Variants in XRCC4 observed in about 807,000 individuals in gnomAD.
The protein encoded by XRCC4 is DNA repair protein XRCC4.
In XRCC4, 28 loss-of-function variants were observed where a neutral mutation model predicts 39.1. That is an observed-to-expected ratio of 0.72 (90% CI 0.53 to 0.98). XRCC4 has a LOEUF of 0.98. Among genes scored for constraint, XRCC4 ranks in the 50% least tolerant of loss-of-function variants. XRCC4 has a pLI of 0.00. For missense variants in XRCC4, 350 were observed against 376.4 expected, an observed-to-expected ratio of 0.93 and a Z score of 0.58; for synonymous variants, 123 against 126.4, an observed-to-expected ratio of 0.97 and a Z score of 0.18.
At chr5:83,143,103 G>T (rs556186010) in intron 3 of XRCC4, among the ~76,000 whole-genome samples, 2 of 152,126 alleles carry the variant, frequency 1.3e-5, no homozygotes, top group East Asian at 1.9e-4. Flanking sequence ...CTATTTTACA[G>T]GTGCCTCATA....
intron 7 of XRCC4, among the ~76,000 whole-genome samples, chr5:83,334,992 A>G (rs1008490553): frequency 1.3e-5 from 2 of 151,842 alleles, no homozygotes; most frequent in Non-Finnish European, 2.9e-5. Flanking sequence ...TTCAACACTC[A>G]AAATAAATTA....
intron 3 of XRCC4, among the ~76,000 whole-genome samples, chr5:83,155,787 A>T (rs1477769964): frequency 6.6e-6 from 1 of 152,150 alleles, no homozygotes; most frequent in Non-Finnish European, 1.5e-5. Context: ...AAACCTAAAA[A>T]AACTGTATTT....
intron 3 of XRCC4, among the ~76,000 whole-genome samples, chr5:83,164,032 A>G (rs1351211028): frequency 6.6e-6 from 1 of 152,224 alleles, no homozygotes; most frequent in African/African-American, 2.4e-5. Context: ...GAACTGCTAT[A>G]GTAGAGGGCA....
At chr5:83,153,903 A>C (rs1048359750) in intron 3 of XRCC4, among the ~76,000 whole-genome samples, 2 of 152,188 alleles carry the variant, frequency 1.3e-5, no homozygotes, top group African/African-American at 2.4e-5. Flanking sequence ...CTTTTTATTC[A>C]CATAATTGTG....
chr5:83,090,019 A>T (rs1052596162), intron 1 of XRCC4, among the ~76,000 whole-genome samples: 1 of 152,150 alleles, frequency 6.6e-6, no homozygotes, highest in Non-Finnish European at 1.5e-5. Context: ...TGATGTGTTC[A>T]CCAAGCAGGA....
At chr5:83,114,306 A>G (rs527408736) in intron 3 of XRCC4, among the ~76,000 whole-genome samples, 1 of 152,180 alleles carries the variant, frequency 6.6e-6, no homozygotes, top group South Asian at 2.1e-4. Flanking sequence ...TTTATGCAGC[A>G]GGCTTGAATT....
chr5:83,294,051 T>TC (rs1755014429), intron 7 of XRCC4, among the ~76,000 whole-genome samples: 2 of 151,924 alleles, frequency 1.3e-5, no homozygotes, highest in African/African-American at 2.4e-5. Context: ...TGTTTTTTTT[T>TC]CTCTCTCTTT....
At chr5:83,229,885 T>C (rs1313660624) in intron 6 of XRCC4, among the ~76,000 whole-genome samples, 1 of 151,922 alleles carries the variant, frequency 6.6e-6, no homozygotes, top group South Asian at 2.1e-4. Context: ...CATGAGATTA[T>C]TGAAAATTAA....
At chr5:83,160,270 AAG>A (rs1749143501) in intron 3 of XRCC4, among the ~76,000 whole-genome samples, 1 of 152,216 alleles carries the variant, frequency 6.6e-6, no homozygotes, top group Non-Finnish European at 1.5e-5. Context: ...TGAGGGAATA[AAG>A]AGGAAAAAAC....
chr5:83,095,102 A>G (rs1745616677), intron 1 of XRCC4, among the ~76,000 whole-genome samples: 1 of 152,108 alleles, frequency 6.6e-6, no homozygotes, highest in Non-Finnish European at 1.5e-5. Context: ...ATTCTAGCCT[A>G]TACTTCTGGA....
rs770332576 is a variant in XRCC4 at position 83,258,656 on chromosome 5, A to G, written c.872A>G (p.Asn291Ser). The G allele has an allele frequency of 5.0e-6, 8 of 1,610,566 alleles. No individual in the cohort carries two copies. The East Asian group carries it at 1.6e-4, about 32-fold the overall frequency. The change falls in exon 7 of 8, where the codon AAT (asparagine) becomes AGT (serine). Residue 291 changes from asparagine (N) to serine (S), a missense_variant. Physicochemically the swap from Asn to Ser is conservative, Grantham distance 46. Transcript: ENST00000396027. ...GTEPKMAPQE[N>S]QLQEKEKPDS... ...GAACCTAAAATGGCTCCTCAGGAGA[A>G]TCAGCTTCAAGAAAAGGAAAAGTAA...
intron 4 of XRCC4, among the ~76,000 whole-genome samples, chr5:83,202,659 T>C (rs1274246177): frequency 6.6e-6 from 1 of 152,028 alleles, no homozygotes; most frequent in African/African-American, 2.4e-5. Flanking sequence ...AATACTAGGA[T>C]ACCTGTAAAA....
At chr5:83,131,124 T>G (rs1323502757) in intron 3 of XRCC4, among the ~76,000 whole-genome samples, 1 of 152,236 alleles carries the variant, frequency 6.6e-6, no homozygotes, top group Admixed American at 6.5e-5. Flanking sequence ...TAAATTTCCC[T>G]CTACACATTA....
intron 3 of XRCC4, among the ~76,000 whole-genome samples, chr5:83,194,433 G>A (rs922794980): frequency 2.6e-5 from 4 of 152,162 alleles, no homozygotes; most frequent in Non-Finnish European, 5.9e-5. Flanking sequence ...TTTTCAAACT[G>A]TACGAATGCA....
intron 6 of XRCC4, among the ~76,000 whole-genome samples, chr5:83,237,384 C>A (rs961450523): frequency 6.6e-6 from 1 of 151,862 alleles, no homozygotes; most frequent in Admixed American, 6.6e-5. Flanking sequence ...CAGCCATAAA[C>A]AAGAATGAAA....
At chr5:83,131,567 T>C (rs1226306268) in intron 3 of XRCC4, among the ~76,000 whole-genome samples, 1 of 152,208 alleles carries the variant, frequency 6.6e-6, no homozygotes, top group Non-Finnish European at 1.5e-5. Flanking sequence ...TGCTCCTGTA[T>C]TGGGTGAATA....
chr5:83,295,498 A>T (rs1266656330), intron 7 of XRCC4, among the ~76,000 whole-genome samples: 1 of 152,008 alleles, frequency 6.6e-6, no homozygotes, highest in Non-Finnish European at 1.5e-5. Context: ...ACAAACAGGG[A>T]GTTGAGATGG....
chr5:83,249,699 C>T (rs1183759588), intron 6 of XRCC4, among the ~76,000 whole-genome samples: 1 of 145,534 alleles, frequency 6.9e-6, no homozygotes, highest in Non-Finnish European at 1.5e-5. Context: ...ATTACTGTTC[C>T]TTATCCACCA....
intron 3 of XRCC4, among the ~76,000 whole-genome samples, chr5:83,120,546 G>T (rs1746962357): frequency 6.6e-6 from 1 of 152,212 alleles, no homozygotes; most frequent in Non-Finnish European, 1.5e-5. Flanking sequence ...ACTATGCAGT[G>T]TGTATTCTGG....
Sources: allele counts gnomAD v4.1 joint callset (sites outside exome capture counted in the v4.1 genomes callset), GRCh38; gene constraint gnomAD v4.1.1; transcripts MANE v1.5; gene names NCBI Gene and HGNC (gene_info 2026-07-23, HGNC 2026-07-21).